ADCY5: variants seen among roughly 807,000 people sequenced by gnomAD.
The protein encoded by ADCY5 is adenylate cyclase 5.
Under a neutral mutation model 119.7 loss-of-function variants are expected in ADCY5, and 30 were observed. The observed-to-expected ratio is 0.25, with a 90% CI of 0.19 to 0.34. The LOEUF is 0.34. Among genes scored for constraint, ADCY5 ranks in the 10% least tolerant of loss-of-function variants. ADCY5 has a pLI of 1.00. For missense variants in ADCY5, 1,324 were observed against 1,775.2 expected (o/e 0.75, Z 4.57); for synonymous variants, 753 against 762.2 (o/e 0.99, Z 0.20).
chr3:123,374,616 T>C (rs1943755437), intron 1 of ADCY5, among the ~76,000 whole-genome samples: 1 of 152,208 alleles, frequency 6.6e-6, no homozygotes, highest in East Asian at 1.9e-4. Flanking sequence ...CAACTGACTC[T>C]GAAACCCATG....
At chr3:123,389,150 T>C (rs1332018580) in intron 1 of ADCY5, among the ~76,000 whole-genome samples, 1 of 149,652 alleles carries the variant, frequency 6.7e-6, no homozygotes, top group African/African-American at 2.5e-5. Flanking sequence ...TCGGCTGAGA[T>C]GGAGAGGGAA....
rs1174424519 is a variant in ADCY5 at position 123,284,176 on chromosome 3, G to A, written c.*432C>T. ...TGTCTGAAGTTTAAAGGCTCACATA[G>A]AAAAGCAGACCCCTGGGGCCCCCTA... On this transcript the variant is annotated 3_prime_UTR_variant, in exon 21 of 21. Transcript: ENST00000462833. 1 of 166,288 alleles carries A rather than the reference G, an allele frequency of 6.0e-6. No individual in the cohort carries two copies. Among genetic ancestry groups the A allele is most frequent in the Non-Finnish European group, 1.3e-5 (1 of 76,682 alleles). The allele number at this position is 166,288 out of a possible 1,614,324, so 10.3% of individuals were successfully genotyped here. A position where few individuals can be genotyped will look rare whatever the true frequency, so the allele number is the denominator to read the frequency against.
At chr3:123,380,393 A>T (rs1943992218) in intron 1 of ADCY5, among the ~76,000 whole-genome samples, 1 of 152,306 alleles carries the variant, frequency 6.6e-6, no homozygotes, top group Admixed American at 6.5e-5. Flanking sequence ...TCCCAAGGGG[A>T]GATGCAGAGA....
At chr3:123,348,043 G>C in intron 2 of ADCY5, 140 bp from the exon 3 acceptor site, 1 of 681,712 alleles carries the variant, frequency 1.5e-6, no homozygotes, top group South Asian at 1.8e-5. Flanking sequence ...AACAGTGTGT[G>C]TGTGTGTGTG....
At chr3:123,390,840 T>C (rs768991530) in intron 1 of ADCY5, among the ~76,000 whole-genome samples, 44 of 152,178 alleles carry the variant, frequency 2.9e-4, no homozygotes, top group Non-Finnish European at 1.8e-4. Context: ...TCCCCGAGGG[T>C]TCATCTCTGA....
intron 1 of ADCY5, among the ~76,000 whole-genome samples, chr3:123,423,743 C>T (rs574501990): frequency 6.6e-6 from 1 of 152,316 alleles, no homozygotes; most frequent in South Asian, 2.1e-4. Flanking sequence ...GTCCCAGGAG[C>T]ACACTGTCTT....
At chr3:123,311,440 T>C (rs1035624823) in intron 12 of ADCY5, among the ~76,000 whole-genome samples, 1 of 152,064 alleles carries the variant, frequency 6.6e-6, no homozygotes, top group African/African-American at 2.4e-5. Flanking sequence ...TGGCAGGAGG[T>C]AGAGCCAGGG....
At chr3:123,383,981 C>A (rs1256452318) in intron 1 of ADCY5, among the ~76,000 whole-genome samples, 1 of 67,806 alleles carries the variant, frequency 1.5e-5, no homozygotes, top group African/African-American at 3.9e-5. Context: ...CACACACACA[C>A]AAACACACAC....
At chr3:123,412,594 A>G (rs1045853182) in intron 1 of ADCY5, among the ~76,000 whole-genome samples, 1 of 152,114 alleles carries the variant, frequency 6.6e-6, no homozygotes, top group African/African-American at 2.4e-5. Context: ...CCTTGGAGGA[A>G]GATGTGCTGG....
chr3:123,416,065 CA>C, intron 1 of ADCY5: 3 of 1,118,332 alleles, frequency 2.7e-6, no homozygotes, highest in Non-Finnish European at 3.7e-6. Flanking sequence ...CACCTAGGGT[CA>C]GGGGTTACAG....
chr3:123,301,885 T>G (rs1350428587), intron 14 of ADCY5, among the ~76,000 whole-genome samples: 2 of 131,014 alleles, frequency 1.5e-5, no homozygotes, highest in African/African-American at 5.8e-5. Flanking sequence ...CATGGCTGCC[T>G]GGAGGAGACA....
At chr3:123,302,477 T>C (rs1939903343) in intron 14 of ADCY5, among the ~76,000 whole-genome samples, 1 of 152,170 alleles carries the variant, frequency 6.6e-6, no homozygotes, top group South Asian at 2.1e-4. Flanking sequence ...ATAGTAGTGC[T>C]GGTTTGGGAC....
At position 123,283,017 on chromosome 3, in the gene ADCY5, G is replaced by GTATGT. The variant is rs1938475217; in HGVS notation, c.*1586_*1590dup. ...TTATAAAAATAGTATTTTTTTCTTGGTATGTTTAACTGCCCCCTCCCACTA... is the reference window on the plus strand; with the variant it reads ...TTATAAAAATAGTATTTTTTTCTTGGTATGTTATGTTTAACTGCCCCCTCCCACTA... On this transcript the variant is annotated 3_prime_UTR_variant, in exon 21 of 21. Coordinates refer to ENST00000462833, the MANE Select transcript of ADCY5 (RefSeq NM_183357.3). 6.6e-6 allele frequency: 1 copy of GTATGT among 152,040 alleles called. No individual in the cohort carries two copies. The allele number at this position is 152,040 out of a possible 1,614,324, so 9.4% of individuals were successfully genotyped here.
intron 11 of ADCY5, among the ~76,000 whole-genome samples, chr3:123,315,301 C>T (rs754262606): frequency 4.6e-5 from 7 of 152,182 alleles, no homozygotes; most frequent in African/African-American, 1.2e-4. Flanking sequence ...CTTCAACAAA[C>T]GGAACAAGGG....
At chr3:123,366,089 T>C (rs112138331) in intron 1 of ADCY5, among the ~76,000 whole-genome samples, 8 of 152,348 alleles carry the variant, frequency 5.3e-5, no homozygotes, top group African/African-American at 1.9e-4. Context: ...AATGATATTC[T>C]GGATATATTG....
intron 1 of ADCY5, among the ~76,000 whole-genome samples, chr3:123,435,656 C>T (rs1162440214): frequency 1.3e-5 from 2 of 151,820 alleles, no homozygotes; most frequent in African/African-American, 4.8e-5. Flanking sequence ...AGCTTAGGAA[C>T]CTGAAGACAG....
At position 123,286,174 on chromosome 3, in the gene ADCY5, C is replaced by G. The variant is rs1938744880; in HGVS notation, c.3657+511G>C. 6.6e-6 allele frequency among the ~76,000 whole-genome samples: 1 copy of G among 152,218 alleles called. No individual in the cohort carries two copies. On this transcript the variant is annotated intron_variant, in intron 20 of 20. Transcript: ENST00000462833. The surrounding 1 kb of genome is among the most constrained non-coding windows in gnomAD (Gnocchi z 4.2). ...GCAGGCCGGGAAACCACAAGCCCAGCTCGCAAAGGAGGGAGCAAGGGGAAA... is the reference window on the plus strand; with the variant it reads ...GCAGGCCGGGAAACCACAAGCCCAGGTCGCAAAGGAGGGAGCAAGGGGAAA...
intron 17 of ADCY5, 62 bp from the exon 18 acceptor site, chr3:123,291,438 ACCTCCT>A (rs1291667760): frequency 6.5e-7 from 1 of 1,549,514 alleles, no homozygotes; most frequent in African/African-American, 1.4e-5. Flanking sequence ...CGGCCCCTCC[ACCTCCT>A]CCTCTCCGTG....
chr3:123,292,354 C>T (rs571896417), intron 17 of ADCY5, among the ~76,000 whole-genome samples: 20 of 152,230 alleles, frequency 1.3e-4, no homozygotes, highest in East Asian at 3.9e-4. Context: ...GGGTCCAGCA[C>T]GGAGGAAGAG....
Sources: allele counts gnomAD v4.1 joint callset (sites outside exome capture counted in the v4.1 genomes callset), GRCh38; gene constraint gnomAD v4.1.1; non-coding constraint Gnocchi (gnomAD v3.1); transcripts MANE v1.5; gene names NCBI Gene and HGNC (gene_info 2026-07-23, HGNC 2026-07-21).